ADGRL3: variants seen among roughly 807,000 people sequenced by gnomAD.
ADGRL3 encodes calcium-independent alpha-latrotoxin receptor 3.
A neutral mutation model predicts 153.5 loss-of-function variants in ADGRL3; 62 were observed. The ratio of observed to expected loss-of-function variants is 0.40; its 90% CI spans 0.33 to 0.50. The LOEUF is 0.50. ADGRL3 is among the 20% of genes least tolerant of loss of function. ADGRL3 has a pLI of 0.47. For synonymous variants in ADGRL3, 710 were observed against 672.5 expected, an observed-to-expected ratio of 1.06 and a Z score of -0.86; for missense variants, 1,641 against 1,859.4, an observed-to-expected ratio of 0.88 and a Z score of 2.16.
intron 8 of ADGRL3, among the ~76,000 whole-genome samples, chr4:61,803,039 C>T (rs895725603): frequency 7.2e-5 from 11 of 152,040 alleles, no homozygotes; most frequent in Middle Eastern, 3.4e-3. Flanking sequence ...TATTTCTATT[C>T]GCTAGTGGTA....
intron 1 of ADGRL3, among the ~76,000 whole-genome samples, chr4:61,366,177 A>G (rs1341831903): frequency 6.6e-6 from 1 of 152,182 alleles, no homozygotes; most frequent in African/African-American, 2.4e-5. Flanking sequence ...GCTTTCTTTT[A>G]AAATAAGCAT....
intron 24 of ADGRL3, among the ~76,000 whole-genome samples, chr4:62,041,977 G>C (rs527984664): frequency 1.3e-5 from 2 of 152,014 alleles, no homozygotes; most frequent in African/African-American, 4.8e-5. Context: ...ACTGTGCTTC[G>C]GTTTTTCTAG....
Position 61,804,955 on chromosome 4 carries a change from A to T in ADGRL3, c.1400-8854A>T, listed in dbSNP as rs201793351. Among the ~76,000 whole-genome samples, 776 of 115,722 alleles carry T rather than the reference A, an allele frequency of 6.7e-3. 9 individuals carry two copies. The highest frequency in any genetic ancestry group is 0.026 in the African/African-American group (702 of 27,476). 75.9% of individuals were successfully genotyped at this position (115,722 alleles called of 152,430 possible). On this transcript the variant is annotated intron_variant, in intron 8 of 26. Coordinates refer to ENST00000683033, the MANE Select transcript of ADGRL3 (RefSeq NM_001387552.1). ...TTTATTTATTTATTTATTTATTTTT[A>T]TTTATTTATTTTTTTTTTGAGACGG...
chr4:61,568,971 A>G (rs2149097697), intron 4 of ADGRL3, among the ~76,000 whole-genome samples: 1 of 152,282 alleles, frequency 6.6e-6, no homozygotes, highest in Non-Finnish European at 1.5e-5. Flanking sequence ...ATGGAATCAG[A>G]TGAGAATTAT....
At chr4:61,611,112 G>A (rs571796733) in intron 5 of ADGRL3, among the ~76,000 whole-genome samples, 12 of 152,232 alleles carry the variant, frequency 7.9e-5, no homozygotes, top group African/African-American at 2.2e-4. Context: ...GTCCATATGC[G>A]TTTTTCAGAG....
rs2098832136 is a variant in ADGRL3, at chr4:61,935,002, A to G, written c.2275A>G (p.Arg759Gly). Residue 759 changes from arginine (R) to glycine (G), a missense_variant, in exon 14 of 27, where the codon AGG becomes GGG. Arg to Gly is a moderately radical substitution (Grantham distance 125, BLOSUM62 -2). Transcript: ENST00000683033. Reference sequence around the variant, plus strand: ...TAACCTTTTGAAGACTGACATTGTCAGGGAGAATACAGACAATATTAGTAA... The same window carrying G: ...TAACCTTTTGAAGACTGACATTGTCGGGGAGAATACAGACAATATTAGTAA... The part of the protein sequence containing the change: ...ADNLLKTDIV[R>G]ENTDNIKLEV... 1 of 1,613,766 alleles carries G rather than the reference A, an allele frequency of 6.2e-7. No homozygotes were observed. The highest frequency in any genetic ancestry group is 8.5e-7 in the Non-Finnish European group (1 of 1,179,722).
chr4:61,579,615 C>T lies in ADGRL3; in HGVS notation c.260-7612C>T, dbSNP rs181186978. 515 of 513,856 alleles carry T rather than the reference C, an allele frequency of 1.0e-3. 1 individual carries two copies. The highest frequency in any genetic ancestry group is 8.8e-3 in the Admixed American group (445 of 50,332). 31.8% of individuals were successfully genotyped at this position (513,856 alleles called of 1,614,324 possible). A position where few individuals can be genotyped will look rare whatever the true frequency, so the allele number is the denominator to read the frequency against. On this transcript the variant is annotated intron_variant, in intron 4 of 26. Coordinates refer to ENST00000683033, the MANE Select transcript of ADGRL3 (RefSeq NM_001387552.1). The stretch of plus-strand genomic sequence containing the variant: ...AAGGATGAGGTTCATGATGAAGCTC[C>T]GTAAGTCAAAAGAATAGCTGCTTAA...
At chr4:62,060,137 C>T (rs936175165) in intron 25 of ADGRL3, among the ~76,000 whole-genome samples, 2 of 151,848 alleles carry the variant, frequency 1.3e-5, no homozygotes, top group Non-Finnish European at 2.9e-5. Context: ...TTCTTCCTTG[C>T]GTTTGATTCT....
intron 9 of ADGRL3, among the ~76,000 whole-genome samples, chr4:61,875,977 A>G (rs997017714): frequency 2.6e-5 from 4 of 152,100 alleles, no homozygotes; most frequent in Non-Finnish European, 4.4e-5. Context: ...TTTGAGTACA[A>G]CAGTTCAAGC....
chr4:61,699,762 T>C (rs967800331), intron 6 of ADGRL3, among the ~76,000 whole-genome samples: 1 of 152,194 alleles, frequency 6.6e-6, no homozygotes, highest in African/African-American at 2.4e-5. Flanking sequence ...TATGCAATCA[T>C]GCAATTGTAT....
At chr4:61,591,473 G>A (rs2098968901) in intron 5 of ADGRL3, among the ~76,000 whole-genome samples, 1 of 151,964 alleles carries the variant, frequency 6.6e-6, no homozygotes, top group African/African-American at 2.4e-5. Flanking sequence ...TTATTTTAAA[G>A]CTAAAAAATG....
intron 6 of ADGRL3, among the ~76,000 whole-genome samples, chr4:61,700,806 A>G (rs2095743932): frequency 6.6e-6 from 1 of 152,242 alleles, no homozygotes; most frequent in Non-Finnish European, 1.5e-5. Flanking sequence ...CTGGTGAACT[A>G]CAGTGCTCAA....
chr4:61,399,997 C>T (rs2096911092), intron 2 of ADGRL3, among the ~76,000 whole-genome samples: 1 of 151,664 alleles, frequency 6.6e-6, no homozygotes. Context: ...TGCAAGTATA[C>T]CCCTGAGACA....
chr4:61,807,056 G>A (rs2097560184), intron 8 of ADGRL3, among the ~76,000 whole-genome samples: 1 of 151,986 alleles, frequency 6.6e-6, no homozygotes, highest in Non-Finnish European at 1.5e-5. Flanking sequence ...CACACATACT[G>A]ATTGGGCTTC....
At chr4:61,289,301 G>A (rs543055362) in intron 1 of ADGRL3, among the ~76,000 whole-genome samples, 26 of 151,996 alleles carry the variant, frequency 1.7e-4, no homozygotes, top group African/African-American at 6.0e-4. Flanking sequence ...CCTTTCCTCT[G>A]AGTAAAATTT....
chr4:61,456,842 A>G (rs182880666), intron 2 of ADGRL3, among the ~76,000 whole-genome samples: 56 of 152,070 alleles, frequency 3.7e-4, no homozygotes, highest in African/African-American at 1.3e-3. Flanking sequence ...AGAGAATTGT[A>G]TACATCAATT....
At chr4:61,928,138 A>C (rs1393441480) in intron 13 of ADGRL3, among the ~76,000 whole-genome samples, 1 of 151,828 alleles carries the variant, frequency 6.6e-6, no homozygotes, top group Non-Finnish European at 1.5e-5. Flanking sequence ...AAAAAGTGGA[A>C]GTAGAGTAAA....
At chr4:62,063,889 G>A (rs901705352) in intron 25 of ADGRL3, among the ~76,000 whole-genome samples, 10 of 151,862 alleles carry the variant, frequency 6.6e-5, no homozygotes, top group African/African-American at 2.4e-4. Context: ...GTTATAAAAT[G>A]TATTGTGGTT....
chr4:61,992,408 GAATT>G (rs1408952173), intron 19 of ADGRL3, among the ~76,000 whole-genome samples: 2 of 152,180 alleles, frequency 1.3e-5, no homozygotes, highest in African/African-American at 2.4e-5. Flanking sequence ...AAGGCTGAAT[GAATT>G]GTTTTAACAG....
Sources: allele counts gnomAD v4.1 joint callset (sites outside exome capture counted in the v4.1 genomes callset), GRCh38; gene constraint gnomAD v4.1.1; transcripts MANE v1.5; gene names NCBI Gene and HGNC (gene_info 2026-07-23, HGNC 2026-07-21).